Variants in TENT5C observed in about 807,000 individuals in gnomAD.
TENT5C encodes the protein family with sequence similarity 46 member C.
In TENT5C, 5 loss-of-function variants were observed where a neutral mutation model predicts 22.2. The ratio of observed to expected loss-of-function variants is 0.22; its 90% CI spans 0.12 to 0.47. The LOEUF is 0.47. Ranked by LOEUF, TENT5C falls within the 20% of genes least tolerant of loss-of-function variation. The pLI, the probability that TENT5C is intolerant of heterozygous loss-of-function variation, is 0.99. For synonymous variants in TENT5C, 199 were observed against 195.4 expected, an observed-to-expected ratio of 1.02 and a Z score of -0.15; for missense variants, 364 against 500.9, an observed-to-expected ratio of 0.73 and a Z score of 2.61.
intron 1 of TENT5C, among the ~76,000 whole-genome samples, chr1:117,619,701 G>T (rs1468536752): frequency 7.1e-6 from 1 of 140,502 alleles, no homozygotes; most frequent in South Asian, 2.4e-4. Context: ...CTAGATCTTA[G>T]TTTGGCATGA....
intron 1 of TENT5C, among the ~76,000 whole-genome samples, chr1:117,618,395 A>G (rs994083754): frequency 6.6e-6 from 1 of 151,802 alleles, no homozygotes; most frequent in South Asian, 2.1e-4. Context: ...AGAGAGTCTG[A>G]GGTTTTTTTT....
At position 117,626,601 on chromosome 1, in the gene TENT5C, G is replaced by A. The variant is rs1017912534; in HGVS notation, c.*2557G>A. On this transcript the variant is annotated 3_prime_UTR_variant, in exon 2 of 2. Transcript: ENST00000369448. ...TAGGCGAGGTAACCTTGAATTTCAG[G>A]GCCCTGGAAACTCTAGCTGAAACCT... 1 of 247,956 alleles carries A rather than the reference G, an allele frequency of 4.0e-6. No individual in the cohort carries two copies. The highest frequency in any genetic ancestry group is 2.2e-5 in the African/African-American group (1 of 45,422). The allele number at this position is 247,956 out of a possible 1,614,324, so 15.4% of individuals were successfully genotyped here. A position where few individuals can be genotyped will look rare whatever the true frequency, so the allele number is the denominator to read the frequency against.
rs4026613 is a variant in TENT5C, at chr1:117,624,164, C to CT, written c.*136dup. 153,543 of 617,878 alleles carry CT rather than the reference C, an allele frequency of 0.25. 5,292 individuals are homozygous for CT. Among genetic ancestry groups the CT allele is most frequent in the Non-Finnish European group, 0.27 (99,658 of 372,838 alleles). 38.3% of individuals were successfully genotyped at this position (617,878 alleles called of 1,614,324 possible). A position where few individuals can be genotyped will look rare whatever the true frequency, so the allele number is the denominator to read the frequency against. On this transcript the variant is annotated 3_prime_UTR_variant, in exon 2 of 2. Transcript: ENST00000369448. ...AAAGGGGAACTCAGCTCTGATTCTG[C>CT]TTTTTTTTTTTTTTTTCCTTTGTGT...
In TENT5C at chr1:117,623,756, C is replaced by T. The variant is rs536306873; in HGVS notation, c.888C>T (p.Phe296=). Residue 296 remains phenylalanine (F), a synonymous_variant, in exon 2 of 2, where the codon TTC becomes TTT. Transcript: ENST00000369448. Reference sequence around the variant, plus strand: ...TGGAGACTTACCTTCAAAACCACTTCGCTGAAGAAGAGAGAAGCAAGTACG... The same window carrying T: ...TGGAGACTTACCTTCAAAACCACTTTGCTGAAGAAGAGAGAAGCAAGTACG... ...RKLETYLQNH[F]AEEERSKYDY... is the part of the protein sequence containing the mutation. 1.4e-4 allele frequency: 221 copies of T among 1,614,166 alleles called. 2 individuals carry two copies. In the South Asian group the frequency reaches 2.3e-3, roughly 17 times the overall value.
intron 1 of TENT5C, among the ~76,000 whole-genome samples, chr1:117,617,157 C>T (rs1382299096): frequency 1.3e-5 from 2 of 152,138 alleles, no homozygotes; most frequent in African/African-American, 4.8e-5. Context: ...AGTTCACTGG[C>T]TAGTCCAGAG....
intron 1 of TENT5C, among the ~76,000 whole-genome samples, chr1:117,616,486 G>A (rs889174094): frequency 1.3e-5 from 2 of 152,198 alleles, no homozygotes; most frequent in African/African-American, 2.4e-5. Context: ...CACGGGGGAG[G>A]AGTTTGTGTG....
intron 1 of TENT5C, among the ~76,000 whole-genome samples, chr1:117,606,726 AG>A (rs1180683323): frequency 6.6e-6 from 1 of 151,940 alleles, no homozygotes; most frequent in South Asian, 2.1e-4. Flanking sequence ...CTGGTTGGGG[AG>A]GGGAGGGGCG....
rs145067989 is a variant in TENT5C, at chr1:117,621,271, G to A, written c.-27-1571G>A. Among the ~76,000 whole-genome samples, 34 of 152,134 alleles carry A rather than the reference G, an allele frequency of 2.2e-4. No individual in the cohort carries two copies. The East Asian group carries it at 4.3e-3, about 19-fold the overall frequency. ...CTCAGCCCGCTGCTTTCTGCCTCTC[G>A]GCCCCAACCAACAGCTCATGTTGTC... On this transcript the variant is annotated intron_variant, in intron 1 of 1. Transcript: ENST00000369448.
intron 1 of TENT5C, among the ~76,000 whole-genome samples, chr1:117,621,771 A>G (rs545042938): frequency 6.6e-6 from 1 of 152,314 alleles, no homozygotes; most frequent in South Asian, 2.1e-4. Flanking sequence ...CATCTAGCAA[A>G]TATTCGACTC....
Position 117,623,111 on chromosome 1 carries a change from C to A in TENT5C, c.243C>A (p.Val81=). The change falls in exon 2 of 2, where the codon GTC becomes GTA. Residue 81 remains valine (V), a synonymous_variant. Coordinates refer to ENST00000369448, the MANE Select transcript of TENT5C (RefSeq NM_017709.4). ...GCTCCGCAGCTGGCCACGTTTTGGT[C>A]AAAGACAATGGCTTGGGCTGCAAAG... ...LNGSAAGHVL[V]KDNGLGCKDL... The A allele has an allele frequency of 6.2e-7, 1 of 1,614,204 alleles. No homozygotes were observed. Among genetic ancestry groups the A allele is most frequent in the Non-Finnish European group, 8.5e-7 (1 of 1,180,040 alleles).
At chr1:117,611,717 C>T (rs1286806321) in intron 1 of TENT5C, among the ~76,000 whole-genome samples, 3 of 152,016 alleles carry the variant, frequency 2.0e-5, no homozygotes, top group Non-Finnish European at 4.4e-5. Context: ...TGTGGTGGCA[C>T]GTGCCTGTGG....
At chr1:117,622,741 T>C in intron 1 of TENT5C, 101 bp from the exon 2 acceptor site, 1 of 781,460 alleles carries the variant, frequency 1.3e-6, no homozygotes. Flanking sequence ...TTTATCACCA[T>C]TTTACAGGAA....
chr1:117,608,394 T>TC (rs1297705357), intron 1 of TENT5C, among the ~76,000 whole-genome samples: 1 of 152,060 alleles, frequency 6.6e-6, no homozygotes, highest in East Asian at 1.9e-4. Flanking sequence ...CCGTCCCCCC[T>TC]CAGCTGTATC....
At chr1:117,617,380 CCT>C (rs1653810296) in intron 1 of TENT5C, among the ~76,000 whole-genome samples, 1 of 143,586 alleles carries the variant, frequency 7.0e-6, no homozygotes, top group Admixed American at 7.3e-5. Context: ...TCTCTGCAAA[CCT>C]CTTTTTTTTT....
chr1:117,621,175 C>T (rs540875412), intron 1 of TENT5C, among the ~76,000 whole-genome samples: 12 of 152,272 alleles, frequency 7.9e-5, no homozygotes, highest in East Asian at 1.9e-4. Context: ...TTCCCCTCCA[C>T]GAGTACTCTG....
Position 117,624,268 on chromosome 1 carries a change from T to G in TENT5C, c.*224T>G. The G allele has an allele frequency of 1.8e-6, 1 of 544,646 alleles. No individual in the cohort carries two copies. 33.7% of individuals were successfully genotyped at this position (544,646 alleles called of 1,614,324 possible). On this transcript the variant is annotated 3_prime_UTR_variant, in exon 2 of 2. Transcript: ENST00000369448. ...ATTACAGTGCCACGTTGGAAAACGC[T>G]ACAGGAAGCATGACCTATCCACATC...
In TENT5C at chr1:117,623,427, A is replaced by T. The variant is rs766564274; in HGVS notation, c.559A>T (p.Ile187Phe). ...FEFSVDSFQI[I>F]LDSLLFFYDC... ...GTTCAGTGTGGACTCTTTCCAAATC[A>T]TCCTGGATTCTTTGCTTTTCTTCTA... Residue 187 changes from isoleucine (I) to phenylalanine (F), a missense_variant, in exon 2 of 2, where the codon ATC (isoleucine) becomes TTC (phenylalanine). Ile to Phe is a conservative substitution (Grantham distance 21). This residue lies in a region of TENT5C where 303 missense variants were observed against 394.5 expected (regional missense o/e 0.77). Coordinates refer to ENST00000369448, the MANE Select transcript of TENT5C (RefSeq NM_017709.4). The T allele has an allele frequency of 6.2e-7, 1 of 1,614,080 alleles. No homozygotes were observed.
chr1:117,610,441 C>A (rs1653643541), intron 1 of TENT5C, among the ~76,000 whole-genome samples: 1 of 152,178 alleles, frequency 6.6e-6, no homozygotes, highest in South Asian at 2.1e-4. Context: ...AACTTTGAAT[C>A]CAGCTTCAGG....
intron 1 of TENT5C, among the ~76,000 whole-genome samples, chr1:117,618,283 C>G (rs1653827839): frequency 1.3e-5 from 2 of 151,782 alleles, no homozygotes; most frequent in Admixed American, 1.3e-4. Context: ...ACAAGGGTAG[C>G]TACATGTTTG....
Sources: gnomAD v4.1 joint callset for allele counts (sites outside exome capture counted in the v4.1 genomes callset) on GRCh38, gnomAD v4.1.1 for gene constraint, gnomAD v4.1.1 regional missense constraint, MANE v1.5 for transcripts, NCBI Gene and HGNC (gene_info 2026-07-23, HGNC 2026-07-21) for gene names.